Variants in PCSK9 observed in about 807,000 individuals in gnomAD.
PCSK9 encodes the protein proprotein convertase subtilisin/kexin type 9.
Under a neutral mutation model 62.1 loss-of-function variants are expected in PCSK9, and 57 were observed. That is an observed-to-expected ratio of 0.92 (90% CI 0.74 to 1.14). PCSK9 has a LOEUF of 1.14. Among genes scored for constraint, PCSK9 ranks in the 50% most tolerant of loss-of-function variants. The probability of loss-of-function intolerance (pLI) is 0.00; values close to 1 mark genes in which losing one functional copy is unlikely to be tolerated. For synonymous variants in PCSK9, 387 were observed against 409.4 expected (o/e 0.95, Z 0.66); for missense variants, 870 against 959.8 (o/e 0.91, Z 1.24).
Position 55,059,521 on chromosome 1 carries a change from C to A in PCSK9, c.1539C>A (p.Asn513Lys). 1 of 1,565,918 alleles carries A rather than the reference C, an allele frequency of 6.4e-7. No homozygotes were observed. The highest frequency in any genetic ancestry group is 2.3e-5 in the East Asian group (1 of 42,912). ...GCAAGCTGGTCTGCCGGGCCCACAA[C>A]GCTTTTGGGGGTGAGGGTGTCTACG... Reference protein sequence around the residue: ...QGGKLVCRAHNAFGGEGVYAI... With the variant: ...QGGKLVCRAHKAFGGEGVYAI... The change falls in exon 10 of 12, where the codon AAC becomes AAA. Residue 513 changes from asparagine (N) to lysine (K), a missense_variant. Coordinates refer to ENST00000302118, the MANE Select transcript of PCSK9 (RefSeq NM_174936.4).
In PCSK9 at chr1:55,039,770, C is replaced by T. The variant is rs1644583178; in HGVS notation, c.-68C>T. On this transcript the variant is annotated 5_prime_UTR_variant, in exon 1 of 12. Coordinates refer to ENST00000302118, the MANE Select transcript of PCSK9 (RefSeq NM_174936.4). The stretch of plus-strand genomic sequence containing the variant: ...CCTCCCCACCGCAAGGCTCAAGGCG[C>T]CGCCGGCGTGGACCGCGCACGGCCT... The T allele has an allele frequency of 6.5e-7, 1 of 1,543,304 alleles. No individual in the cohort carries two copies. The highest frequency in any genetic ancestry group is 8.8e-7 in the Non-Finnish European group (1 of 1,136,920).
At chr1:55,059,801 C>A in intron 10 of PCSK9, 138 bp downstream of exon 10, 1 of 1,118,894 alleles carries the variant, frequency 8.9e-7, no homozygotes, top group Non-Finnish European at 1.3e-6. Context: ...GGTTCTGCCA[C>A]TTCCATGCCC....
At position 55,040,214 on chromosome 1, in the gene PCSK9, G is replaced by A. The variant is rs919277379; in HGVS notation, c.207+170G>A. Among the ~76,000 whole-genome samples, 2 of 152,238 alleles carry A rather than the reference G, an allele frequency of 1.3e-5. No individual in the cohort carries two copies. The highest frequency in any genetic ancestry group is 2.9e-5 in the Non-Finnish European group (2 of 68,040). On this transcript the variant is annotated intron_variant, in intron 1 of 11. Transcript: ENST00000302118. This position sits in a 1 kb window ranked among gnomAD's most constrained non-coding sequence, Gnocchi z 4.1. ...GGACTGCAGGCAAGGCGGCGGGGGA[G>A]GACGGGTAGTGGGGAGCACGGTGGA... is the stretch of plus-strand genomic sequence containing the variant.
intron 3 of PCSK9, among the ~76,000 whole-genome samples, chr1:55,048,198 C>A (rs2100282548): frequency 6.6e-6 from 1 of 152,304 alleles, no homozygotes; most frequent in East Asian, 1.9e-4. Context: ...CGGCAGCACA[C>A]CAATCCCAGC....
intron 3 of PCSK9, chr1:55,051,236 A>T (rs1339158893): frequency 2.2e-6 from 1 of 456,082 alleles, no homozygotes. Context: ...TGCTGTTCAG[A>T]TGGCACTTCA....
At chr1:55,043,796 T>C (rs1433466886) in intron 1 of PCSK9, 47 bp from the exon 2 acceptor site, 40 of 1,605,368 alleles carry the variant, frequency 2.5e-5, no homozygotes, top group Non-Finnish European at 3.3e-5. Flanking sequence ...ACCTAGGGTT[T>C]GCTGGGTTTC....
rs494198 is a variant in PCSK9 at position 55,052,855 on chromosome 1, C to A, written c.799+64C>A. The stretch of plus-strand genomic sequence containing the variant: ...GACCTGGCCTGGGAGGTGGCTTGGG[C>A]TGGGCCCAGGGAGAGCTAATGTCTC... On this transcript the variant is annotated intron_variant, in intron 5 of 11. Coordinates refer to ENST00000302118, the MANE Select transcript of PCSK9 (RefSeq NM_174936.4). 0.64 allele frequency: 1,032,670 copies of A among 1,609,988 alleles called. 333,635 individuals carry two copies. The highest frequency in any genetic ancestry group is 0.76 in the East Asian group (34,152 of 44,726).
At chr1:55,059,201 G>C (rs1644740844) in intron 9 of PCSK9, among the ~76,000 whole-genome samples, 1 of 152,186 alleles carries the variant, frequency 6.6e-6, no homozygotes, top group Non-Finnish European at 1.5e-5. Context: ...AGGCAGAGTG[G>C]GTGGAGTGGA....
In PCSK9 at chr1:55,063,627, G is replaced by A; in HGVS notation, c.*43G>A. 2 of 1,586,098 alleles carry A rather than the reference G, an allele frequency of 1.3e-6. No homozygotes were observed. The highest frequency in any genetic ancestry group is 1.7e-6 in the Non-Finnish European group (2 of 1,165,662). On this transcript the variant is annotated 3_prime_UTR_variant, in exon 12 of 12. Transcript: ENST00000302118. ...GGGTGTCTGGGGAGGGTCAAGGGCT[G>A]GGGCTGAGCTTTAAAATGGTTCCGA... is the stretch of plus-strand genomic sequence containing the variant.
At chr1:55,058,469 C>T in intron 8 of PCSK9, 30 bp from the exon 9 acceptor site, 1 of 1,612,166 alleles carries the variant, frequency 6.2e-7, no homozygotes, top group Non-Finnish European at 8.5e-7. Flanking sequence ...ACTCCCAGCA[C>T]CCCCTCCTCA....
In PCSK9 at chr1:55,040,129, C is replaced by T. The variant is rs997416536; in HGVS notation, c.207+85C>T. 4.0e-5 allele frequency: 60 copies of T among 1,488,506 alleles called. No homozygotes were observed. The highest frequency in any genetic ancestry group is 5.2e-5 in the Non-Finnish European group (57 of 1,100,074). The allele number at this position is 1,488,506 out of a possible 1,614,324, so 92.2% of individuals were successfully genotyped here. A position where few individuals can be genotyped will look rare whatever the true frequency, so the allele number is the denominator to read the frequency against. The stretch of plus-strand genomic sequence containing the variant: ...TTCCTCTCGGGCCTCAGTTTCCCCC[C>T]ATGTAAGAGAGGAAGTGGAGTGCAG... On this transcript the variant is annotated intron_variant, in intron 1 of 11. Transcript: ENST00000302118. The surrounding 1 kb of genome is among the most constrained non-coding windows in gnomAD (Gnocchi z 4.1).
chr1:55,048,921 TAAC>T (rs1164104292), intron 3 of PCSK9, among the ~76,000 whole-genome samples: 2 of 152,228 alleles, frequency 1.3e-5, no homozygotes, highest in African/African-American at 4.8e-5. Context: ...CATTCAATAA[TAAC>T]GTTTTGAGCA....
In PCSK9 at chr1:55,064,818, C is replaced by T. The variant is rs891216315; in HGVS notation, c.*1234C>T. On this transcript the variant is annotated 3_prime_UTR_variant, in exon 12 of 12. Coordinates refer to ENST00000302118, the MANE Select transcript of PCSK9 (RefSeq NM_174936.4). Reference sequence around the variant, plus strand: ...TGTAGCATTTTTATTAATATGGTGACTTTTTAAAATAAAAACAAACAAACG... The same window carrying T: ...TGTAGCATTTTTATTAATATGGTGATTTTTTAAAATAAAAACAAACAAACG... 1.3e-5 allele frequency: 2 copies of T among 152,148 alleles called. No individual in the cohort carries two copies. Among genetic ancestry groups the T allele is most frequent in the African/African-American group, 4.8e-5 (2 of 41,434 alleles). The allele number at this position is 152,148 out of a possible 1,614,324, so 9.4% of individuals were successfully genotyped here. A position where few individuals can be genotyped will look rare whatever the true frequency, so the allele number is the denominator to read the frequency against.
At chr1:55,059,289 T>C (rs1644741114) in intron 9 of PCSK9, among the ~76,000 whole-genome samples, 197 bp from the exon 10 acceptor site, 1 of 152,142 alleles carries the variant, frequency 6.6e-6, no homozygotes. Flanking sequence ...TGGAAGAACT[T>C]TTGAGTATTC....
rs1311218278 is a variant in PCSK9, at chr1:55,039,668, A to C, written c.-170A>C. On this transcript the variant is annotated 5_prime_UTR_variant, in exon 1 of 12. Coordinates refer to ENST00000302118, the MANE Select transcript of PCSK9 (RefSeq NM_174936.4). ...GCGGGCCGGGACGCGTCGTTGCAGC[A>C]GCGGCTCCCAGCTCCCAGCCAGGAT... 2.2e-5 allele frequency: 17 copies of C among 760,066 alleles called. 1 individual carries two copies. The highest frequency in any genetic ancestry group is 3.4e-5 in the Non-Finnish European group (16 of 474,328). 47.1% of individuals were successfully genotyped at this position (760,066 alleles called of 1,614,324 possible).
chr1:55,053,038 A>G (rs899212434), intron 5 of PCSK9, among the ~76,000 whole-genome samples: 2 of 152,232 alleles, frequency 1.3e-5, no homozygotes, highest in African/African-American at 4.8e-5. Flanking sequence ...CCCTGGGTCA[A>G]TGACCTTTCC....
rs540072276 is a variant in PCSK9 at position 55,052,114 on chromosome 1, T to C, written c.524-164T>C. On this transcript the variant is annotated intron_variant, in intron 3 of 11. Coordinates refer to ENST00000302118, the MANE Select transcript of PCSK9 (RefSeq NM_174936.4). ...CTTTCCTTGTCTATGAAATACATTATAGAATAGGATGTAGTGTGTGAGGAT... is the reference window on the plus strand; with the variant it reads ...CTTTCCTTGTCTATGAAATACATTACAGAATAGGATGTAGTGTGTGAGGAT... 9.2e-5 allele frequency: 88 copies of C among 958,518 alleles called. No individual in the cohort carries two copies. The East Asian group carries it at 1.9e-3, about 21-fold the overall frequency. The allele number at this position is 958,518 out of a possible 1,614,324, so 59.4% of individuals were successfully genotyped here.
intron 5 of PCSK9, among the ~76,000 whole-genome samples, chr1:55,055,557 G>A (rs1405746930): frequency 6.6e-6 from 1 of 152,232 alleles, no homozygotes; most frequent in Non-Finnish European, 1.5e-5. Context: ...CAGAGAAGCA[G>A]AACCAGTAGG....
chr1:55,059,633 C>T lies in PCSK9; in HGVS notation c.1651C>T (p.His551Tyr). Residue 551 changes from histidine to tyrosine, a missense_variant, in exon 10 of 12, where the codon CAC becomes TAC. His to Tyr is a moderately conservative substitution (Grantham distance 83). Coordinates refer to ENST00000302118, the MANE Select transcript of PCSK9 (RefSeq NM_174936.4). Reference sequence around the variant, plus strand: ...TGAGGCCAGCATGGGGACCCGTGTCCACTGCCACCAACAGGGCCACGTCCT... The same window carrying T: ...TGAGGCCAGCATGGGGACCCGTGTCTACTGCCACCAACAGGGCCACGTCCT... The part of the protein sequence containing the change: ...PAEASMGTRV[H>Y]CHQQGHVLTG... The T allele has an allele frequency of 6.4e-7, 1 of 1,551,540 alleles. No individual in the cohort carries two copies. Among genetic ancestry groups the T allele is most frequent in the Non-Finnish European group, 8.7e-7 (1 of 1,147,260 alleles).
Sources: allele counts gnomAD v4.1 joint callset (sites outside exome capture counted in the v4.1 genomes callset), GRCh38; gene constraint gnomAD v4.1.1; non-coding constraint Gnocchi (gnomAD v3.1); transcripts MANE v1.5; gene names NCBI Gene and HGNC (gene_info 2026-07-23, HGNC 2026-07-21).